Variants in FUS observed in about 807,000 individuals in gnomAD.
The protein encoded by FUS is FUS RNA binding protein, also known as RNA-binding protein FUS.
A neutral mutation model predicts 82.7 loss-of-function variants in FUS; 5 were observed. The observed-to-expected ratio is 0.06, with a 90% confidence interval of 0.03 to 0.13. FUS has a LOEUF of 0.13. FUS is among the 10% of genes least tolerant of loss of function. FUS has a pLI of 1.00. For synonymous variants in FUS, 281 were observed against 247.4 expected, an observed-to-expected ratio of 1.14 and a Z score of -1.27; for missense variants, 512 against 707.8, an observed-to-expected ratio of 0.72 and a Z score of 3.14.
At chr16:31,191,883 T>A, downstream of FUS, 1 of 540,910 alleles carries the variant, frequency 1.8e-6, no homozygotes, top group Non-Finnish European at 3.6e-6. Flanking sequence ...ATTTGCATAC[T>A]GGTCTTAGTT....
chr16:31,194,000 C>T (rs569309648), downstream of FUS: 1 of 532,858 alleles, frequency 1.9e-6, no homozygotes. Context: ...CATTAGGTGT[C>T]CCATTTTTGT....
chr16:31,189,553 G>A, intron 9 of FUS, 112 bp from the exon 10 acceptor site: 1 of 1,440,548 alleles, frequency 6.9e-7, no homozygotes, highest in Non-Finnish European at 9.7e-7. Flanking sequence ...AAGTAACTGG[G>A]AAGAGGGGAG....
intron 7 of FUS, chr16:31,187,329 C>T (rs1200579956): frequency 3.9e-6 from 1 of 258,032 alleles, no homozygotes; most frequent in Admixed American, 4.8e-5. Flanking sequence ...GGAATGGTGT[C>T]AATGAATGCA....
downstream of FUS, chr16:31,193,340 C>G (rs567293368): frequency 3.8e-6 from 2 of 524,282 alleles, no homozygotes; most frequent in African/African-American, 3.7e-5. Context: ...CCAGGCATTG[C>G]TTTGACTTAG....
chr16:31,188,228 T>G, intron 7 of FUS, 97 bp from the exon 8 acceptor site: 1 of 1,286,132 alleles, frequency 7.8e-7, no homozygotes. Flanking sequence ...GGATTTGGTG[T>G]TAATTTTTTT....
chr16:31,187,301 T>C lies in FUS; in HGVS notation c.799+465T>C, dbSNP rs2079284938. The C allele has an allele frequency of 1.8e-5, 5 of 279,548 alleles. No homozygotes were observed. In the Admixed American group the frequency reaches 2.3e-4, roughly 13 times the overall value. 17.3% of individuals were successfully genotyped at this position (279,548 alleles called of 1,614,324 possible). On this transcript the variant is annotated intron_variant, in intron 7 of 14. Transcript: ENST00000254108. ...ATTGCCCTGAGGATGGTGAAGTTGG[T>C]ATACATTTATAAAGTACGGAATGGT...
At chr16:31,190,435 A>C in intron 12 of FUS, 37 bp downstream of exon 12, 2 of 1,613,846 alleles carry the variant, frequency 1.2e-6, no homozygotes, top group Non-Finnish European at 1.7e-6. Context: ...GTTCTCTTGC[A>C]TGCGTGCTCT....
chr16:31,182,318 T>C, intron 1 of FUS, 80 bp from the exon 2 acceptor site: 2 of 1,536,598 alleles, frequency 1.3e-6, no homozygotes, highest in Non-Finnish European at 9.0e-7. Context: ...TCATCAGTGC[T>C]TGAGTTAAGG....
At chr16:31,189,073 G>GT in intron 8 of FUS, 50 bp from the exon 9 acceptor site, 2 of 1,438,476 alleles carry the variant, frequency 1.4e-6, no homozygotes, top group Non-Finnish European at 2.0e-6. Context: ...TTTTTCCTGT[G>GT]TTTTTTATTT....
intron 8 of FUS, 97 bp from the exon 9 acceptor site, chr16:31,189,026 G>T: frequency 1.1e-6 from 1 of 884,820 alleles, no homozygotes. Flanking sequence ...TAAACCAAAT[G>T]ATACCAGTTG....
chr16:31,185,145 C>G lies in FUS; in HGVS notation c.730C>G (p.Arg244Gly). The change falls in exon 6 of 15, where the codon CGT becomes GGT. Residue 244 changes from arginine (R) to glycine (G), a missense_variant. By Grantham distance (125) the Arg-to-Gly change is moderately radical. Coordinates refer to ENST00000254108, the MANE Select transcript of FUS (RefSeq NM_004960.4). The part of the protein sequence containing the change: ...RSSGGYEPRG[R>G]GGGRGGRGGM... ...CAGTGGTGGCTATGAACCCAGAGGTCGTGGAGGTGGCCGTGGAGGCAGAGG... is the reference window on the plus strand; with the variant it reads ...CAGTGGTGGCTATGAACCCAGAGGTGGTGGAGGTGGCCGTGGAGGCAGAGG... 20 of 1,610,158 alleles carry G rather than the reference C, an allele frequency of 1.2e-5. No individual in the cohort carries two copies. The highest frequency in any genetic ancestry group is 1.7e-5 in the Non-Finnish European group (20 of 1,178,152).
downstream of FUS, chr16:31,194,125 C>T (rs1014468168): frequency 2.3e-5 from 12 of 532,694 alleles, no homozygotes; most frequent in Non-Finnish European, 4.0e-5. Flanking sequence ...AGCTTTTTTC[C>T]CCATCTTGTG....
chr16:31,189,874 T>A, intron 10 of FUS, 80 bp downstream of exon 10: 1 of 1,608,994 alleles, frequency 6.2e-7, no homozygotes, highest in Non-Finnish European at 8.5e-7. Flanking sequence ...AGTTTGAGGG[T>A]TCTTTTGAGT....
chr16:31,192,261 G>A (rs1485086029), downstream of FUS: 2 of 526,768 alleles, frequency 3.8e-6, no homozygotes, highest in South Asian at 1.5e-5. Flanking sequence ...ATTGGAGGGT[G>A]GAAGGCCCTC....
chr16:31,186,461 A>T lies in FUS; in HGVS notation c.765-341A>T, dbSNP rs557750023. The T allele has an allele frequency of 4.4e-4, 195 of 439,680 alleles. 3 individuals are homozygous for T. The South Asian group carries it at 4.7e-3, about 11-fold the overall frequency. 27.2% of individuals were successfully genotyped at this position (439,680 alleles called of 1,614,324 possible). A position where few individuals can be genotyped will look rare whatever the true frequency, so the allele number is the denominator to read the frequency against. Reference sequence around the variant, plus strand: ...AAATTGGGGTAGGGTTTTTAAACCAACTACTTGGTTGTCAACCACTTGCGA... The same window carrying T: ...AAATTGGGGTAGGGTTTTTAAACCATCTACTTGGTTGTCAACCACTTGCGA... On this transcript the variant is annotated intron_variant, in intron 6 of 14. Transcript: ENST00000254108.
downstream of FUS, chr16:31,191,627 T>A (rs1054227079): frequency 5.5e-6 from 4 of 728,776 alleles, no homozygotes; most frequent in African/African-American, 6.9e-5. Context: ...TTCCCCCTTT[T>A]CACTTTCCTG....
intron 1 of FUS, among the ~76,000 whole-genome samples, chr16:31,181,539 T>G (rs1447859606): frequency 2.6e-5 from 4 of 152,144 alleles, no homozygotes; most frequent in Non-Finnish European, 5.9e-5. Context: ...CTCTTTTGAT[T>G]CTCTGGCTTT....
At chr16:31,190,649 C>T (rs2079340892) in intron 12 of FUS, 93 bp from the exon 13 acceptor site, 1 of 1,304,450 alleles carries the variant, frequency 7.7e-7, no homozygotes, top group Non-Finnish European at 1.1e-6. Flanking sequence ...TCAGTTTCCT[C>T]ACTGTATCTC....
downstream of FUS, chr16:31,192,663 C>T (rs1183381896): frequency 6.2e-6 from 3 of 481,926 alleles, no homozygotes; most frequent in Middle Eastern, 6.2e-4. Flanking sequence ...TGAGTTTAAG[C>T]GATTCTCCTG....
Sources: gnomAD v4.1 joint callset for allele counts (sites outside exome capture counted in the v4.1 genomes callset) on GRCh38, gnomAD v4.1.1 for gene constraint, MANE v1.5 for transcripts, NCBI Gene and HGNC (gene_info 2026-07-23, HGNC 2026-07-21) for gene names.